KALRN: variants seen among roughly 807,000 people sequenced by gnomAD.
KALRN encodes kalirin.
KALRN carries 70 observed loss-of-function variants against 353.7 expected under a neutral mutation model. The ratio of observed to expected loss-of-function variants is 0.20; its 90% confidence interval spans 0.16 to 0.24. The LOEUF is 0.24. KALRN is among the 10% of genes least tolerant of loss of function. The probability of loss-of-function intolerance (pLI) is 1.00; values close to 1 mark genes in which losing one functional copy is unlikely to be tolerated. For missense variants in KALRN, 2,791 were observed against 3,756.7 expected (o/e 0.74, Z 6.72); for synonymous variants, 1,391 against 1,434.8 (o/e 0.97, Z 0.69).
In KALRN at chr3:124,422,858, G is replaced by C; in HGVS notation, c.2589G>C (p.Val863=). The C allele has an allele frequency of 6.2e-7, 1 of 1,613,900 alleles. No homozygotes were observed. The highest frequency in any genetic ancestry group is 8.5e-7 in the Non-Finnish European group (1 of 1,179,820). ...CEKDIDLAAQ[V]QELLEFLHEK... is the part of the protein sequence containing the mutation. ...AAGACATTGATCTGGCAGCCCAGGTGCAAGAGTTATTGGAATTTCTCCATG... is the reference window on the plus strand; with the variant it reads ...AAGACATTGATCTGGCAGCCCAGGTCCAAGAGTTATTGGAATTTCTCCATG... Residue 863 remains valine (V), a synonymous_variant, in exon 15 of 60, where the codon GTG becomes GTC. Coordinates refer to ENST00000682506, the MANE Select transcript of KALRN (RefSeq NM_001388419.1).
At chr3:124,349,263 G>A (rs773598637) in intron 10 of KALRN, among the ~76,000 whole-genome samples, 2 of 152,192 alleles carry the variant, frequency 1.3e-5, no homozygotes, top group Non-Finnish European at 1.5e-5. Context: ...CTTATACCTA[G>A]AGTAGTGAAA....
Position 124,496,354 on chromosome 3 carries a change from C to G in KALRN, c.4876C>G (p.Gln1626Glu). 6.2e-7 allele frequency: 1 copy of G among 1,613,430 alleles called. No individual in the cohort carries two copies. Among genetic ancestry groups the G allele is most frequent in the Non-Finnish European group, 8.5e-7 (1 of 1,179,822 alleles). The change falls in exon 33 of 60, where the codon CAA (glutamine) becomes GAA (glutamate). Residue 1626 changes from glutamine (Q) to glutamate (E), a missense_variant. Coordinates refer to ENST00000682506, the MANE Select transcript of KALRN (RefSeq NM_001388419.1). ...TGACAGCCAGGGGGATGGGAGCAGC[C>G]AACCAGACACCATCTCCATTGCTTC... ...DIDSQGDGSS[Q>E]PDTISIASRT...
intron 5 of KALRN, among the ~76,000 whole-genome samples, chr3:124,275,084 T>A (rs548262017): frequency 6.5e-4 from 99 of 152,350 alleles, no homozygotes; most frequent in Non-Finnish European, 1.4e-3. Flanking sequence ...TTTTGACTTT[T>A]CTTCTGCTTC....
intron 18 of KALRN, among the ~76,000 whole-genome samples, 155 bp downstream of exon 18, chr3:124,439,192 T>A (rs879719787): frequency 0.035 from 2,263 of 64,828 alleles, 50 homozygotes; most frequent in East Asian, 0.15. Context: ...TCTCCTTCTC[T>A]CTCTCTCTCA....
At chr3:124,423,530 AG>A (rs1446080845) in intron 15 of KALRN, among the ~76,000 whole-genome samples, 1 of 152,262 alleles carries the variant, frequency 6.6e-6, no homozygotes, top group Non-Finnish European at 1.5e-5. Context: ...ATTTTATGCT[AG>A]ATCTCTAGGA....
chr3:124,537,141 A>C (rs1195117833), intron 33 of KALRN, among the ~76,000 whole-genome samples: 1 of 152,172 alleles, frequency 6.6e-6, no homozygotes. Context: ...TCCCGGTTTC[A>C]GGCAATTCTC....
chr3:124,548,223 A>G lies in KALRN; in HGVS notation c.4936-14620A>G, dbSNP rs147894579. On this transcript the variant is annotated intron_variant, in intron 33 of 59. Transcript: ENST00000682506. ...GAAAGAAAGAACTGTAAAAATTTAT[A>G]AGATAAGTAGAACTTTCTCTGCTTT... 2.4e-3 allele frequency among the ~76,000 whole-genome samples: 370 copies of G among 152,338 alleles called. 2 individuals are homozygous for G. Among genetic ancestry groups the G allele is most frequent in the African/African-American group, 7.9e-3 (330 of 41,578 alleles).
intron 3 of KALRN, among the ~76,000 whole-genome samples, chr3:124,250,331 G>A (rs1269807274): frequency 3.9e-5 from 6 of 152,206 alleles, no homozygotes; most frequent in Admixed American, 3.9e-4. Context: ...CTGTGAGAGG[G>A]CAGGGAGAGG....
chr3:124,055,988 G>T (rs1478176986), intron 1 of KALRN, among the ~76,000 whole-genome samples: 1 of 152,182 alleles, frequency 6.6e-6, no homozygotes, highest in East Asian at 1.9e-4. Context: ...TGGGCTGTTG[G>T]ATTTAATGTG....
chr3:124,402,978 G>A (rs770613843), intron 13 of KALRN, among the ~76,000 whole-genome samples: 6 of 152,208 alleles, frequency 3.9e-5, no homozygotes, highest in Non-Finnish European at 7.4e-5. Flanking sequence ...GTTAAACCAC[G>A]TGTCTTTTTG....
chr3:124,053,404 T>C (rs768354129), intron 1 of KALRN, among the ~76,000 whole-genome samples: 1 of 152,216 alleles, frequency 6.6e-6, no homozygotes, highest in Non-Finnish European at 1.5e-5. Context: ...TAATGTCTAG[T>C]TGATGTTGGG....
At chr3:124,047,882 G>C (rs2040657131) in intron 1 of KALRN, among the ~76,000 whole-genome samples, 1 of 152,048 alleles carries the variant, frequency 6.6e-6, no homozygotes, top group Admixed American at 6.6e-5. Flanking sequence ...TTTGAAAAAT[G>C]TGATGAAATA....
At chr3:124,150,638 G>A (rs2067974196) in intron 1 of KALRN, among the ~76,000 whole-genome samples, 1 of 152,086 alleles carries the variant, frequency 6.6e-6, no homozygotes, top group South Asian at 2.1e-4. Flanking sequence ...CAGTTTTCAT[G>A]GATTTTTTAT....
chr3:124,669,522 A>G (rs1174752912), intron 47 of KALRN, among the ~76,000 whole-genome samples: 1 of 152,242 alleles, frequency 6.6e-6, no homozygotes, highest in African/African-American at 2.4e-5. Context: ...TCACAATTCC[A>G]TGTGATGGGA....
intron 9 of KALRN, among the ~76,000 whole-genome samples, chr3:124,337,622 C>T (rs1208332770): frequency 3.3e-5 from 5 of 151,942 alleles, no homozygotes; most frequent in African/African-American, 7.3e-5. Flanking sequence ...GTTGTGTCTC[C>T]GACAGGGTTT....
In KALRN at chr3:124,227,691, T is replaced by G. The variant is rs201347257; in HGVS notation, c.74-299T>G. 0.2 allele frequency among the ~76,000 whole-genome samples: 12,480 copies of G among 63,714 alleles called. 1,417 individuals are homozygous for G. Among genetic ancestry groups the G allele is most frequent in the African/African-American group, 0.3 (6,645 of 22,278 alleles). 41.8% of individuals were successfully genotyped at this position (63,714 alleles called of 152,430 possible). A position where few individuals can be genotyped will look rare whatever the true frequency, so the allele number is the denominator to read the frequency against. On this transcript the variant is annotated intron_variant, in intron 1 of 59. Coordinates refer to ENST00000682506, the MANE Select transcript of KALRN (RefSeq NM_001388419.1). ...TTTTTTTTTTTTTTTTTTTTTTTTT[T>G]TTTTTTTTTTTTTTGCCCCCACTGC...
In KALRN at chr3:124,280,572, G is replaced by C. The variant is rs2075248152; in HGVS notation, c.969+11317G>C. Among the ~76,000 whole-genome samples the C allele has an allele frequency of 2.6e-5, 4 of 152,262 alleles. No homozygotes were observed. The South Asian group carries it at 8.3e-4, about 32-fold the overall frequency. On this transcript the variant is annotated intron_variant, in intron 5 of 59. Coordinates refer to ENST00000682506, the MANE Select transcript of KALRN (RefSeq NM_001388419.1). ...TTTTTCAAGTGGATGAGGGGTAATG[G>C]GAGGAGTCTGCAGCTTTTGGTCCCA...
At chr3:124,379,455 A>G (rs1490234838) in intron 10 of KALRN, among the ~76,000 whole-genome samples, 1 of 152,064 alleles carries the variant, frequency 6.6e-6, no homozygotes, top group Non-Finnish European at 1.5e-5. Context: ...TCAGTTGTGG[A>G]TATTTCTATA....
chr3:124,249,482 A>G (rs956548075), intron 3 of KALRN, among the ~76,000 whole-genome samples: 3 of 152,182 alleles, frequency 2.0e-5, no homozygotes, highest in Non-Finnish European at 4.4e-5. Context: ...CTTTCTTTTA[A>G]AAAGAGTAGA....
Sources: gnomAD v4.1 joint callset for allele counts (sites outside exome capture counted in the v4.1 genomes callset) on GRCh38, gnomAD v4.1.1 for gene constraint, MANE v1.5 for transcripts, NCBI Gene and HGNC (gene_info 2026-07-23, HGNC 2026-07-21) for gene names.